Variants in MALRD1 observed in about 807,000 individuals in gnomAD.
MALRD1 encodes MAM and LDL-receptor class A domain-containing protein 1.
MALRD1 carries 247 observed loss-of-function variants against 242.1 expected under a neutral mutation model. The observed-to-expected ratio is 1.02, with a 90% CI of 0.92 to 1.13. The LOEUF (loss-of-function observed/expected upper bound fraction) is 1.13. Among genes scored for constraint, MALRD1 ranks in the 50% most tolerant of loss-of-function variants. The pLI is 0.00. For synonymous variants in MALRD1, 995 were observed against 866.6 expected, an observed-to-expected ratio of 1.15 and a Z score of -2.60; for missense variants, 2,989 against 2,533.1, an observed-to-expected ratio of 1.18 and a Z score of -3.86.
At chr10:19,125,007 G>A (rs1205298735) in intron 7 of MALRD1, among the ~76,000 whole-genome samples, 1 of 123,084 alleles carries the variant, frequency 8.1e-6, no homozygotes, top group Non-Finnish European at 1.6e-5. Context: ...ATGCAGTGGT[G>A]AGATCTCGGC....
At chr10:19,098,492 T>C (rs1005099266) in intron 4 of MALRD1, among the ~76,000 whole-genome samples, 5 of 152,162 alleles carry the variant, frequency 3.3e-5, no homozygotes, top group African/African-American at 1.2e-4. Flanking sequence ...TCAAAATCAT[T>C]ATCCGAGGTA....
chr10:19,053,655 A>G (rs942143114), intron 1 of MALRD1, among the ~76,000 whole-genome samples: 14 of 152,140 alleles, frequency 9.2e-5, no homozygotes, highest in Non-Finnish European at 2.1e-4. Flanking sequence ...ATCAAGTCTG[A>G]AAAGCAATTG....
intron 21 of MALRD1, among the ~76,000 whole-genome samples, chr10:19,283,620 GTATTTGT>G (rs2131890255): frequency 6.6e-6 from 1 of 151,344 alleles, no homozygotes; most frequent in East Asian, 1.9e-4. Context: ...ACTCCGATGT[GTATTTGT>G]CATACATGTA....
chr10:19,376,187 A>G (rs1845584508), intron 26 of MALRD1, among the ~76,000 whole-genome samples: 1 of 152,218 alleles, frequency 6.6e-6, no homozygotes, highest in South Asian at 2.1e-4. Context: ...TGATTTCACT[A>G]TTTAAAGAAG....
At chr10:19,431,761 T>C (rs1039009894) in intron 28 of MALRD1, among the ~76,000 whole-genome samples, 6 of 152,152 alleles carry the variant, frequency 3.9e-5, no homozygotes, top group African/African-American at 4.8e-5. Context: ...GGAAGACAAG[T>C]GAGCTGAGTT....
intron 29 of MALRD1, among the ~76,000 whole-genome samples, chr10:19,452,233 G>C (rs562649477): frequency 2.6e-5 from 4 of 152,130 alleles, no homozygotes; most frequent in Non-Finnish European, 5.9e-5. Flanking sequence ...GTTGATTCAG[G>C]ACAGAAGGAA....
intron 29 of MALRD1, among the ~76,000 whole-genome samples, chr10:19,483,701 C>A (rs1837117156): frequency 6.6e-6 from 1 of 152,114 alleles, no homozygotes; most frequent in Admixed American, 6.6e-5. Context: ...TGCTCAGCCA[C>A]TGTAGAAAGC....
chr10:19,623,028 C>T (rs1456589907), intron 36 of MALRD1, among the ~76,000 whole-genome samples: 5 of 151,872 alleles, frequency 3.3e-5, no homozygotes, highest in Admixed American at 2.0e-4. Flanking sequence ...AATCAGAGTT[C>T]GAAGTGAAAC....
intron 1 of MALRD1, among the ~76,000 whole-genome samples, chr10:19,062,936 AG>A (rs1834864751): frequency 6.6e-6 from 1 of 152,154 alleles, no homozygotes; most frequent in South Asian, 2.1e-4. Context: ...GCTTGAACCC[AG>A]AAGTTCAAGA....
intron 28 of MALRD1, among the ~76,000 whole-genome samples, chr10:19,439,360 G>A (rs1365483612): frequency 6.6e-6 from 1 of 151,946 alleles, no homozygotes; most frequent in East Asian, 1.9e-4. Context: ...GTAAGGCCCG[G>A]TCTCTGCACA....
chr10:19,408,360 C>G (rs571853216), intron 28 of MALRD1, among the ~76,000 whole-genome samples: 1 of 152,220 alleles, frequency 6.6e-6, no homozygotes, highest in African/African-American at 2.4e-5. Context: ...AGTTTCAACA[C>G]AAAAGGAGAG....
chr10:19,238,536 A>G (rs1184373100), intron 18 of MALRD1, among the ~76,000 whole-genome samples: 1 of 70,114 alleles, frequency 1.4e-5, no homozygotes, highest in African/African-American at 4.7e-5. Flanking sequence ...AATATACATT[A>G]TATATAATAT....
At chr10:19,271,487 G>A (rs532671264) in intron 19 of MALRD1, among the ~76,000 whole-genome samples, 22 of 152,270 alleles carry the variant, frequency 1.4e-4, no homozygotes, top group Admixed American at 7.2e-4. Flanking sequence ...ATGTTAGGCC[G>A]GGTACGGTGG....
intron 36 of MALRD1, among the ~76,000 whole-genome samples, chr10:19,642,848 G>A (rs774435066): frequency 3.3e-5 from 5 of 152,148 alleles, no homozygotes; most frequent in East Asian, 1.9e-4. Flanking sequence ...GAGGGAGGGC[G>A]TGGGAGAGAA....
At chr10:19,668,668 A>T (rs1289988298) in intron 36 of MALRD1, among the ~76,000 whole-genome samples, 1 of 152,176 alleles carries the variant, frequency 6.6e-6, no homozygotes, top group African/African-American at 2.4e-5. Flanking sequence ...GTCTGTGAAA[A>T]AGTAATGACT....
At chr10:19,319,414 A>C (rs1196522974) in intron 21 of MALRD1, among the ~76,000 whole-genome samples, 1 of 152,102 alleles carries the variant, frequency 6.6e-6, no homozygotes, top group Non-Finnish European at 1.5e-5. Flanking sequence ...CAAGAGCCAC[A>C]CTTTTCATAA....
chr10:19,647,588 T>C lies in MALRD1; in HGVS notation c.6137+31665T>C, dbSNP rs548270853. On this transcript the variant is annotated intron_variant, in intron 36 of 39. Coordinates refer to ENST00000454679, the MANE Select transcript of MALRD1 (RefSeq NM_001142308.3). ...ACAAATTAAGCAACACTGTCCCAAG[T>C]AAACCAGGACATATGGTAATCTAAT... Among the ~76,000 whole-genome samples the C allele has an allele frequency of 2.6e-5, 4 of 152,302 alleles. No individual in the cohort carries two copies. In the South Asian group the frequency reaches 8.3e-4, roughly 32 times the overall value.
intron 2 of MALRD1, among the ~76,000 whole-genome samples, chr10:19,084,909 C>T (rs1288534016): frequency 6.6e-6 from 1 of 151,944 alleles, no homozygotes; most frequent in African/African-American, 2.4e-5. Flanking sequence ...GATTATGTTA[C>T]ATATGTGTTT....
chr10:19,104,291 A>T (rs554615739), intron 5 of MALRD1, among the ~76,000 whole-genome samples: 1 of 152,260 alleles, frequency 6.6e-6, no homozygotes, highest in East Asian at 1.9e-4. Context: ...ACTGAATGGG[A>T]TAATTTAGTC....
Sources: allele counts gnomAD v4.1 joint callset (sites outside exome capture counted in the v4.1 genomes callset), GRCh38; gene constraint gnomAD v4.1.1; transcripts MANE v1.5; gene names NCBI Gene and HGNC (gene_info 2026-07-23, HGNC 2026-07-21).